DLGAP1: variants seen among roughly 807,000 people sequenced by gnomAD.
The protein encoded by DLGAP1 is disks large-associated protein 1.
In DLGAP1, 11 loss-of-function variants were observed where a neutral mutation model predicts 90.8. The observed-to-expected ratio is 0.12, with a 90% CI of 0.08 to 0.20. The LOEUF is 0.20. Among genes scored for constraint, DLGAP1 ranks in the 10% least tolerant of loss-of-function variants. The pLI is 1.00. For missense variants in DLGAP1, 1,050 were observed against 1,333.8 expected (o/e 0.79, Z 3.31); for synonymous variants, 558 against 540.7 (o/e 1.03, Z -0.44).
At chr18:3,617,357 G>C (rs946585356) in intron 7 of DLGAP1, among the ~76,000 whole-genome samples, 2 of 152,184 alleles carry the variant, frequency 1.3e-5, no homozygotes, top group African/African-American at 2.4e-5. Context: ...CCGGCACTCT[G>C]GGAGGCCAAG....
chr18:3,641,283 C>T (rs979194739), intron 7 of DLGAP1, among the ~76,000 whole-genome samples: 2 of 151,932 alleles, frequency 1.3e-5, no homozygotes, highest in African/African-American at 2.4e-5. Flanking sequence ...CGCACTGGCT[C>T]ATGCCTGTAA....
chr18:3,953,755 A>G (rs1342904353), intron 3 of DLGAP1, among the ~76,000 whole-genome samples: 2 of 152,230 alleles, frequency 1.3e-5, no homozygotes, highest in Non-Finnish European at 2.9e-5. Flanking sequence ...GTTCTTTGAC[A>G]AATTTCCATA....
intron 3 of DLGAP1, among the ~76,000 whole-genome samples, chr18:3,902,145 A>G (rs955203694): frequency 2.0e-5 from 3 of 152,222 alleles, no homozygotes; most frequent in Admixed American, 6.5e-5. Context: ...GCAGAGCAGA[A>G]AAAATTGATT....
chr18:3,718,696 C>CCG (rs2061849048), intron 7 of DLGAP1, among the ~76,000 whole-genome samples: 1 of 149,354 alleles, frequency 6.7e-6, no homozygotes, highest in Non-Finnish European at 1.5e-5. Context: ...GGGGTCGAGG[C>CCG]GGGTGGATCG....
chr18:4,141,191 T>C (rs995774186), intron 2 of DLGAP1, among the ~76,000 whole-genome samples: 1 of 152,078 alleles, frequency 6.6e-6, no homozygotes, highest in Non-Finnish European at 1.5e-5. Context: ...TTTGAGGCTA[T>C]TTTCTAGATC....
In DLGAP1 at chr18:4,378,851, G is replaced by T. The variant is rs989934568; in HGVS notation, c.-267+76155C>A. ...TCATTCATTCTTACTATTTAGCTCT[G>T]CATTTAATAAACTTGGGGTTCCTCC... On this transcript the variant is annotated intron_variant, in intron 1 of 12. Coordinates refer to ENST00000315677, the MANE Select transcript of DLGAP1 (RefSeq NM_004746.4). The surrounding 1 kb of genome is among the most constrained non-coding windows in gnomAD (Gnocchi z 4.5). Among the ~76,000 whole-genome samples the T allele has an allele frequency of 1.3e-5, 2 of 152,030 alleles. No homozygotes were observed. Among genetic ancestry groups the T allele is most frequent in the Non-Finnish European group, 2.9e-5 (2 of 68,010 alleles).
At chr18:4,155,552 T>C (rs1332986613) in intron 1 of DLGAP1, among the ~76,000 whole-genome samples, 1 of 152,194 alleles carries the variant, frequency 6.6e-6, no homozygotes, top group African/African-American at 2.4e-5. Context: ...AAGATGTGTA[T>C]ATTTTTCCTT....
At chr18:4,163,380 C>T (rs16946137) in intron 1 of DLGAP1, among the ~76,000 whole-genome samples, 57 of 152,298 alleles carry the variant, frequency 3.7e-4, no homozygotes, top group East Asian at 2.3e-3. Flanking sequence ...TATATCTGTA[C>T]GCACTACTAT....
intron 10 of DLGAP1, among the ~76,000 whole-genome samples, chr18:3,519,524 T>A (rs569354448): frequency 3.3e-5 from 5 of 152,328 alleles, no homozygotes; most frequent in East Asian, 1.9e-4. Flanking sequence ...ATGGAGGGAA[T>A]CAGGCATGAA....
At chr18:4,371,618 G>T (rs1292799816) in intron 1 of DLGAP1, among the ~76,000 whole-genome samples, 1 of 152,124 alleles carries the variant, frequency 6.6e-6, no homozygotes, top group African/African-American at 2.4e-5. Context: ...TTTAATCATT[G>T]CCTATTCAAA....
intron 3 of DLGAP1, among the ~76,000 whole-genome samples, chr18:3,892,158 C>T (rs2071485820): frequency 7.1e-6 from 1 of 140,482 alleles, no homozygotes; most frequent in Non-Finnish European, 1.5e-5. Flanking sequence ...CACACACACA[C>T]ACACACACAG....
chr18:4,139,279 C>T (rs939216578), intron 2 of DLGAP1, among the ~76,000 whole-genome samples: 5 of 151,804 alleles, frequency 3.3e-5, no homozygotes, highest in Non-Finnish European at 7.4e-5. Flanking sequence ...TTCCTTTTAG[C>T]GCTGCTTTCG....
chr18:4,184,392 T>C (rs1040082465), intron 1 of DLGAP1, among the ~76,000 whole-genome samples: 2 of 152,164 alleles, frequency 1.3e-5, no homozygotes, highest in African/African-American at 4.8e-5. Flanking sequence ...TCCTGGCTAA[T>C]GCTGCATTAA....
At chr18:4,308,702 C>T (rs75057068) in intron 1 of DLGAP1, among the ~76,000 whole-genome samples, 6,350 of 152,206 alleles carry the variant, frequency 0.042, 459 homozygotes, top group African/African-American at 0.14. Flanking sequence ...ATGATTGAGA[C>T]TCAAGTAGGA....
intron 7 of DLGAP1, among the ~76,000 whole-genome samples, chr18:3,701,115 A>C (rs2061266108): frequency 6.6e-6 from 1 of 151,880 alleles, no homozygotes; most frequent in East Asian, 1.9e-4. Flanking sequence ...TCCTGGCTCA[A>C]ATGATCTTCC....
chr18:4,364,243 C>T (rs1315856549), intron 1 of DLGAP1, among the ~76,000 whole-genome samples: 9 of 108,058 alleles, frequency 8.3e-5, no homozygotes, highest in Non-Finnish European at 1.5e-4. Context: ...ACATCACACT[C>T]TGGGGACTGT....
intron 1 of DLGAP1, among the ~76,000 whole-genome samples, chr18:4,268,957 A>G (rs2079193892): frequency 6.6e-6 from 1 of 152,114 alleles, no homozygotes. Context: ...ATTGTGTTAT[A>G]TATAATGTTT....
At chr18:3,643,240 GAAAGAAA>G (rs1475236995) in intron 7 of DLGAP1, among the ~76,000 whole-genome samples, 1 of 151,002 alleles carries the variant, frequency 6.6e-6, no homozygotes, top group Non-Finnish European at 1.5e-5. Context: ...GAAAGAAAAA[GAAAGAAA>G]GAAGAAAGAA....
At chr18:3,575,566 T>C (rs1368406580) in intron 8 of DLGAP1, among the ~76,000 whole-genome samples, 1 of 152,146 alleles carries the variant, frequency 6.6e-6, no homozygotes, top group Non-Finnish European at 1.5e-5. Flanking sequence ...GGGAGTACAG[T>C]AGGAATACGA....
Sources: gnomAD v4.1 joint callset for allele counts (sites outside exome capture counted in the v4.1 genomes callset) on GRCh38, gnomAD v4.1.1 for gene constraint, Gnocchi (gnomAD v3.1) non-coding constraint, MANE v1.5 for transcripts, NCBI Gene and HGNC (gene_info 2026-07-23, HGNC 2026-07-21) for gene names.